Variants in PRR16 observed in about 807,000 individuals in gnomAD.
PRR16 encodes the protein proline rich 16.
PRR16 carries 6 observed loss-of-function variants against 18.2 expected under a neutral mutation model. The ratio of observed to expected loss-of-function variants is 0.33; its 90% CI spans 0.18 to 0.65. The LOEUF is 0.65. PRR16 is among the 30% of genes least tolerant of loss of function. The probability of loss-of-function intolerance (pLI) is 0.74; values close to 1 mark genes in which losing one functional copy is unlikely to be tolerated. For missense variants in PRR16, 412 were observed against 376.6 expected (o/e 1.09, Z -0.78); for synonymous variants, 151 against 147.8 (o/e 1.02, Z -0.16).
At chr5:120,676,716 T>C (rs1756812198) in intron 1 of PRR16, among the ~76,000 whole-genome samples, 1 of 152,150 alleles carries the variant, frequency 6.6e-6, no homozygotes, top group South Asian at 2.1e-4. Context: ...AGGAGTCGAT[T>C]GGCCTCATCT....
At chr5:120,534,424 G>A (rs1377696210) in intron 1 of PRR16, among the ~76,000 whole-genome samples, 2 of 152,076 alleles carry the variant, frequency 1.3e-5, no homozygotes, top group Non-Finnish European at 2.9e-5. Context: ...GATATTCACA[G>A]CACCTAATAG....
chr5:120,520,707 C>T (rs1751145442), intron 1 of PRR16, among the ~76,000 whole-genome samples: 2 of 152,270 alleles, frequency 1.3e-5, no homozygotes, highest in Admixed American at 6.5e-5. Flanking sequence ...TGAGTTGTCA[C>T]ATATGTGTTA....
chr5:120,682,663 GTCTC>G (rs754303763), intron 1 of PRR16, among the ~76,000 whole-genome samples: 3 of 152,158 alleles, frequency 2.0e-5, no homozygotes, highest in Non-Finnish European at 4.4e-5. Flanking sequence ...AGCCAAGACT[GTCTC>G]TCTACCTCTC....
At chr5:120,742,965 T>C in the PRR16 span, among the ~76,000 whole-genome samples, 1 of 152,328 alleles carries the variant, frequency 6.6e-6, no homozygotes, top group African/African-American at 2.4e-5. Context: ...TTTCCCTTCA[T>C]CTGACAGAAG....
At chr5:120,542,740 C>T (rs1214079447) in intron 1 of PRR16, among the ~76,000 whole-genome samples, 1 of 152,130 alleles carries the variant, frequency 6.6e-6, no homozygotes, top group Non-Finnish European at 1.5e-5. Flanking sequence ...AAGGCAGTGT[C>T]ATCCCCTTGC....
At chr5:120,564,305 A>T (rs555937588) in intron 1 of PRR16, among the ~76,000 whole-genome samples, 2 of 152,186 alleles carry the variant, frequency 1.3e-5, no homozygotes, top group South Asian at 4.2e-4. Context: ...CTCTGAGCCC[A>T]GCCCAACACT....
At chr5:120,776,771 G>T in the PRR16 span, among the ~76,000 whole-genome samples, 1 of 151,904 alleles carries the variant, frequency 6.6e-6, no homozygotes, top group African/African-American at 2.4e-5. Context: ...ATCAAAATTT[G>T]CAGAATAGGG....
intron 1 of PRR16, among the ~76,000 whole-genome samples, chr5:120,548,345 C>T (rs971962330): frequency 6.6e-6 from 1 of 152,042 alleles, no homozygotes; most frequent in Non-Finnish European, 1.5e-5. Flanking sequence ...TACATTATTG[C>T]TACACTTATA....
At chr5:120,659,295 A>G (rs1451813874) in intron 1 of PRR16, among the ~76,000 whole-genome samples, 3 of 151,932 alleles carry the variant, frequency 2.0e-5, no homozygotes, top group Non-Finnish European at 2.9e-5. Flanking sequence ...AGCATTCAAG[A>G]TATCTGTAGT....
At chr5:120,536,852 C>G (rs2112675471) in intron 1 of PRR16, among the ~76,000 whole-genome samples, 1 of 152,330 alleles carries the variant, frequency 6.6e-6, no homozygotes, top group South Asian at 2.1e-4. Context: ...TCATGGAATA[C>G]TATGCAACCA....
the PRR16 span, among the ~76,000 whole-genome samples, chr5:120,751,252 T>C: frequency 6.6e-6 from 1 of 152,162 alleles, no homozygotes; most frequent in East Asian, 1.9e-4. Context: ...TAAATATGGG[T>C]GTACATACTG....
chr5:120,723,312 C>A, the PRR16 span, among the ~76,000 whole-genome samples: 1 of 151,906 alleles, frequency 6.6e-6, no homozygotes, highest in Admixed American at 6.6e-5. Context: ...TTCTGAGTAA[C>A]CTCATTGCAA....
At chr5:120,525,814 G>C (rs1241056161) in intron 1 of PRR16, among the ~76,000 whole-genome samples, 11 of 151,968 alleles carry the variant, frequency 7.2e-5, no homozygotes, top group Admixed American at 7.2e-4. Flanking sequence ...TAGTTCAAAG[G>C]GTCAAGTTGG....
chr5:120,495,950 T>C (rs1417835347), intron 1 of PRR16, among the ~76,000 whole-genome samples: 3 of 152,036 alleles, frequency 2.0e-5, no homozygotes, highest in African/African-American at 7.2e-5. Flanking sequence ...GCTGTAGTTT[T>C]TTTTTGTAGA....
chr5:120,667,941 G>T (rs1342647116), intron 1 of PRR16, among the ~76,000 whole-genome samples: 2 of 152,086 alleles, frequency 1.3e-5, no homozygotes, highest in South Asian at 4.2e-4. Flanking sequence ...TTGATTTGGG[G>T]TGGAGAGTTC....
At chr5:120,564,430 C>T (rs182908912) in intron 1 of PRR16, among the ~76,000 whole-genome samples, 85 of 152,250 alleles carry the variant, frequency 5.6e-4, no homozygotes, top group Non-Finnish European at 8.5e-4. Context: ...TCCGACCTTC[C>T]GACCTCTGGG....
chr5:120,477,530 C>T (rs1232391252), intron 1 of PRR16, among the ~76,000 whole-genome samples: 1 of 152,134 alleles, frequency 6.6e-6, no homozygotes, highest in Admixed American at 6.5e-5. Context: ...CATCCTGGTC[C>T]AAGCCACACT....
intron 1 of PRR16, among the ~76,000 whole-genome samples, chr5:120,677,108 G>C (rs1756823222): frequency 6.6e-6 from 1 of 152,128 alleles, no homozygotes; most frequent in Admixed American, 6.5e-5. Flanking sequence ...CAGAAATACT[G>C]TGATCTAGCA....
intron 1 of PRR16, among the ~76,000 whole-genome samples, chr5:120,571,654 T>C (rs1402061553): frequency 1.3e-5 from 2 of 152,168 alleles, no homozygotes; most frequent in African/African-American, 4.8e-5. Context: ...CTTTAAGTTA[T>C]CTAAGAGAGG....
Sources: allele counts gnomAD v4.1 joint callset (sites outside exome capture counted in the v4.1 genomes callset), GRCh38; gene constraint gnomAD v4.1.1; transcripts MANE v1.5; gene names NCBI Gene and HGNC (gene_info 2026-07-23, HGNC 2026-07-21).